HIBCH: variants seen among roughly 807,000 people sequenced by gnomAD.
The protein encoded by HIBCH is 3-hydroxyisobutyryl-CoA hydrolase, mitochondrial.
In HIBCH, 50 loss-of-function variants were observed where a neutral mutation model predicts 58.2. The ratio of observed to expected loss-of-function variants is 0.86; its 90% CI spans 0.68 to 1.09. HIBCH has a LOEUF of 1.09. Ranked by LOEUF, HIBCH falls within the 50% of genes least tolerant of loss-of-function variation. The probability of loss-of-function intolerance (pLI) is 0.00; values close to 1 mark genes in which losing one functional copy is unlikely to be tolerated. For synonymous variants in HIBCH, 151 were observed against 146.9 expected (o/e 1.03, Z -0.20); for missense variants, 450 against 449.7 (o/e 1.00, Z -0.01).
intron 4 of HIBCH, among the ~76,000 whole-genome samples, chr2:190,293,390 T>G (rs889031067): frequency 3.3e-5 from 5 of 151,362 alleles, no homozygotes; most frequent in East Asian, 1.9e-4. Flanking sequence ...GAGGTGGAGG[T>G]TGCAGCGAGC....
At chr2:190,229,953 AT>A (rs1439465339) in intron 11 of HIBCH, among the ~76,000 whole-genome samples, 4 of 152,184 alleles carry the variant, frequency 2.6e-5, no homozygotes, top group Admixed American at 2.6e-4. Context: ...AAAATAATGA[AT>A]TTCTATTCTG....
At chr2:190,291,762 T>A (rs558466251) in intron 4 of HIBCH, among the ~76,000 whole-genome samples, 1 of 152,312 alleles carries the variant, frequency 6.6e-6, no homozygotes, top group East Asian at 1.9e-4. Context: ...AGAGTTCACA[T>A]CTCCTACCAT....
chr2:190,242,997 A>C (rs2105931428), intron 11 of HIBCH, among the ~76,000 whole-genome samples: 1 of 152,124 alleles, frequency 6.6e-6, no homozygotes, highest in African/African-American at 2.4e-5. Context: ...GACTCAGGAG[A>C]TGTGTATGGG....
intron 1 of HIBCH, among the ~76,000 whole-genome samples, chr2:190,316,275 C>T (rs1006088510): frequency 6.6e-6 from 1 of 152,058 alleles, no homozygotes; most frequent in Non-Finnish European, 1.5e-5. Context: ...AGACTACAGG[C>T]GCACACCACC....
rs1690456723 is a variant in HIBCH, at chr2:190,208,914, C to T, written c.1012-1G>A. The T allele has an allele frequency of 1.2e-6, 2 of 1,613,386 alleles. No individual in the cohort carries two copies. Among genetic ancestry groups the T allele is most frequent in the East Asian group, 4.5e-5 (2 of 44,856 alleles). ...CGCCTTCATGAAAGTCATGACCTCT[C>T]TGAAAGAAAATTGAGATTAAATGGG... On this transcript the variant is annotated splice_acceptor_variant, in intron 12 of 13. Transcript: ENST00000359678. LOFTEE classifies it high-confidence loss of function.
intron 11 of HIBCH, among the ~76,000 whole-genome samples, chr2:190,240,644 A>G (rs1428391679): frequency 6.6e-6 from 1 of 152,170 alleles, no homozygotes; most frequent in Non-Finnish European, 1.5e-5. Context: ...ATTTCCCTCT[A>G]AACACTGCTT....
chr2:190,279,564 A>G lies in HIBCH; in HGVS notation c.438+8022T>C, dbSNP rs1204339353. ...AAAGTAAAGTAGAGGATCCTCTTCA[A>G]AGAGACTTTCCTCCCTGTCTAATTA... On this transcript the variant is annotated intron_variant, in intron 6 of 13. Coordinates refer to ENST00000359678, the MANE Select transcript of HIBCH (RefSeq NM_014362.4). This position sits in a 1 kb window ranked among gnomAD's most constrained non-coding sequence, Gnocchi z 4.2. Among the ~76,000 whole-genome samples the G allele has an allele frequency of 2.0e-5, 3 of 152,204 alleles. No homozygotes were observed. Among genetic ancestry groups the G allele is most frequent in the Non-Finnish European group, 2.9e-5 (2 of 68,028 alleles).
At chr2:190,289,025 C>G (rs752301243) in intron 5 of HIBCH, among the ~76,000 whole-genome samples, 13 of 152,116 alleles carry the variant, frequency 8.5e-5, no homozygotes, top group Non-Finnish European at 1.9e-4. Flanking sequence ...GCAGGAGAAT[C>G]ACTTGAACCT....
intron 6 of HIBCH, among the ~76,000 whole-genome samples, chr2:190,265,057 A>G (rs1368030815): frequency 7.6e-6 from 1 of 131,172 alleles, no homozygotes. Flanking sequence ...TGGGAGGTGG[A>G]GGTTGCAGTG....
chr2:190,197,306 G>GA lies in HIBCH; in HGVS notation c.*18-7310dup, dbSNP rs1189838940. On this transcript the variant is annotated intron_variant, in intron 1 of 1. Coordinates refer to the HIBCH transcript ENST00000399855. This position sits in a 1 kb window ranked among gnomAD's most constrained non-coding sequence, Gnocchi z 4.0. ...CATTTCTTGAGTAGTAACTAAATAC[G>GA]AAAGTGTTCAATGAGATTGCTCCAC... 2.0e-5 allele frequency among the ~76,000 whole-genome samples: 3 copies of GA among 152,232 alleles called. No homozygotes were observed. The highest frequency in any genetic ancestry group is 7.2e-5 in the African/African-American group (3 of 41,534).
intron 11 of HIBCH, among the ~76,000 whole-genome samples, chr2:190,242,626 G>C (rs1271990513): frequency 1.3e-5 from 2 of 151,988 alleles, no homozygotes; most frequent in Non-Finnish European, 2.9e-5. Flanking sequence ...CCTTTTTGTT[G>C]ACATGAGGTG....
chr2:190,256,688 T>C (rs1686934832), intron 7 of HIBCH, among the ~76,000 whole-genome samples: 1 of 152,010 alleles, frequency 6.6e-6, no homozygotes, highest in South Asian at 2.1e-4. Context: ...CCGACATAAA[T>C]GTAAGAACCA....
chr2:190,189,776 A>G (rs1259907304), exon 2 of HIBCH: 1 of 152,220 alleles, frequency 6.6e-6, no homozygotes, highest in African/African-American at 2.4e-5. Context: ...CATCATTCTA[A>G]ATCAAAGCAC....
chr2:190,232,280 A>C (rs1219554793), intron 11 of HIBCH, among the ~76,000 whole-genome samples: 1 of 152,238 alleles, frequency 6.6e-6, no homozygotes, highest in African/African-American at 2.4e-5. Context: ...TTAAACATAC[A>C]TCAAAAAACA....
rs1034142433 is a variant in HIBCH, at chr2:190,265,250, A to G, written c.439-4016T>C. On this transcript the variant is annotated intron_variant, in intron 6 of 13. Coordinates refer to ENST00000359678, the MANE Select transcript of HIBCH (RefSeq NM_014362.4). ...CTGTATATGAGTTTGCTGTTTCTAC[A>G]TCCTCACCAACACTTCAAGAGGTCT... 6.6e-5 allele frequency among the ~76,000 whole-genome samples: 10 copies of G among 151,996 alleles called. No individual in the cohort carries two copies. The East Asian group carries it at 1.9e-3, about 29-fold the overall frequency.
In HIBCH at chr2:190,211,369, T is replaced by G. The variant is rs181674531; in HGVS notation, c.1011+1587A>C. On this transcript the variant is annotated intron_variant, in intron 12 of 13. Transcript: ENST00000359678. The surrounding 1 kb of genome is among the most constrained non-coding windows in gnomAD (Gnocchi z 5.0). ...CATTTACTTCTCTCAATTGCCACCA[T>G]GCTTGTCTCAAAACTACTATTTCAC... Among the ~76,000 whole-genome samples the G allele has an allele frequency of 9.7e-4, 147 of 152,312 alleles. No individual in the cohort carries two copies. Among genetic ancestry groups the G allele is most frequent in the African/African-American group, 3.2e-3 (135 of 41,572 alleles).
chr2:190,302,619 C>G (rs1328966457), intron 2 of HIBCH, among the ~76,000 whole-genome samples: 1 of 152,140 alleles, frequency 6.6e-6, no homozygotes, highest in East Asian at 1.9e-4. Flanking sequence ...TTCTGTTTAA[C>G]TCTTAGGGAA....
rs1688687947 is a variant in HIBCH, at chr2:190,315,356, T to C, written c.35+4360A>G. On this transcript the variant is annotated intron_variant, in intron 1 of 13. Transcript: ENST00000359678. The surrounding 1 kb of genome is among the most constrained non-coding windows in gnomAD (Gnocchi z 5.4). ...TCTCAAAGTATGGTTCTTGGACAAG[T>C]ACCATCAACATCCCCTGGAAACTGA... Among the ~76,000 whole-genome samples the C allele has an allele frequency of 6.6e-6, 1 of 152,174 alleles. No individual in the cohort carries two copies. The highest frequency in any genetic ancestry group is 1.5e-5 in the Non-Finnish European group (1 of 68,038).
intron 7 of HIBCH, 101 bp from the exon 8 acceptor site, chr2:190,252,408 T>C (rs1466666867): frequency 6.2e-6 from 6 of 961,740 alleles, no homozygotes; most frequent in South Asian, 1.4e-5. Flanking sequence ...TCTCTGGAGC[T>C]TGAATATACA....
Sources: allele counts gnomAD v4.1 joint callset (sites outside exome capture counted in the v4.1 genomes callset), GRCh38; gene constraint gnomAD v4.1.1; non-coding constraint Gnocchi (gnomAD v3.1); transcripts MANE v1.5; gene names NCBI Gene and HGNC (gene_info 2026-07-23, HGNC 2026-07-21).